The following EEPD1 variants were observed in gnomAD, a reference collection of about 807,000 sequenced individuals.
EEPD1 encodes the protein endonuclease/exonuclease/phosphatase family domain containing 1, also known as endonuclease/exonuclease/phosphatase family domain-containing protein 1.
A neutral mutation model predicts 46.3 loss-of-function variants in EEPD1; 17 were observed. The observed-to-expected ratio is 0.37, with a 90% CI of 0.25 to 0.55. The LOEUF (loss-of-function observed/expected upper bound fraction) is 0.55, where lower values mean the gene tolerates loss of function less well. EEPD1 is among the 20% of genes least tolerant of loss of function. The probability of loss-of-function intolerance (pLI) is 0.83; values close to 1 mark genes in which losing one functional copy is unlikely to be tolerated. For synonymous variants in EEPD1, 313 were observed against 315.6 expected (o/e 0.99, Z 0.09); for missense variants, 673 against 745.6 (o/e 0.90, Z 1.13).
chr7:36,245,536 A>C (rs1387332362), intron 3 of EEPD1, among the ~76,000 whole-genome samples: 1 of 152,130 alleles, frequency 6.6e-6, no homozygotes, highest in Non-Finnish European at 1.5e-5. Context: ...ATTGGGTAGG[A>C]GGTGGGGGCC....
chr7:36,191,253 A>C (rs898792922), intron 2 of EEPD1, among the ~76,000 whole-genome samples: 2 of 152,204 alleles, frequency 1.3e-5, no homozygotes, highest in Admixed American at 1.3e-4. Context: ...AAGAGGGAGT[A>C]AATAGGACAA....
chr7:36,167,642 G>A (rs1785008628), intron 2 of EEPD1, among the ~76,000 whole-genome samples: 1 of 152,070 alleles, frequency 6.6e-6, no homozygotes, highest in African/African-American at 2.4e-5. Context: ...TGATGCATAA[G>A]TTTGCCAAAC....
intron 2 of EEPD1, among the ~76,000 whole-genome samples, chr7:36,198,385 T>A (rs1426007626): frequency 1.8e-3 from 81 of 44,604 alleles, no homozygotes; most frequent in East Asian, 2.3e-3. Flanking sequence ...AAAAACTAAA[T>A]CAAAACTGGT....
chr7:36,275,755 C>T (rs920667946), intron 3 of EEPD1, among the ~76,000 whole-genome samples: 3 of 152,146 alleles, frequency 2.0e-5, no homozygotes, highest in African/African-American at 4.8e-5. Flanking sequence ...CCACTGCGCC[C>T]GAACCACCTT....
intron 2 of EEPD1, among the ~76,000 whole-genome samples, chr7:36,192,013 CTCTT>C (rs1785469500): frequency 6.6e-6 from 1 of 152,186 alleles, no homozygotes; most frequent in African/African-American, 2.4e-5. Flanking sequence ...CTTTACGAGA[CTCTT>C]TCCGCGTTGT....
At position 36,300,195 on chromosome 7, in the gene EEPD1, G is replaced by C. The variant is rs1253587069; in HGVS notation, c.*989G>C. The C allele has an allele frequency of 6.6e-6, 1 of 152,310 alleles. No individual in the cohort carries two copies. The highest frequency in any genetic ancestry group is 1.9e-4 in the East Asian group (1 of 5,190). 9.4% of individuals were successfully genotyped at this position (152,310 alleles called of 1,614,324 possible). On this transcript the variant is annotated 3_prime_UTR_variant, in exon 8 of 8. Coordinates refer to ENST00000242108, the MANE Select transcript of EEPD1 (RefSeq NM_030636.3). ...AGTTGACCTCGGGGTATCATGGAGAGTGTCCCTCCTAGTGGCTGGAGGTAG... is the reference window on the plus strand; with the variant it reads ...AGTTGACCTCGGGGTATCATGGAGACTGTCCCTCCTAGTGGCTGGAGGTAG...
chr7:36,288,949 G>T (rs182272424), intron 6 of EEPD1, among the ~76,000 whole-genome samples: 200 of 152,236 alleles, frequency 1.3e-3, no homozygotes, highest in African/African-American at 4.8e-3. Context: ...GTAGTTGGAG[G>T]CTTGGAATTC....
intron 2 of EEPD1, among the ~76,000 whole-genome samples, chr7:36,155,428 TATCTG>T (rs1784810859): frequency 6.6e-6 from 1 of 152,222 alleles, no homozygotes; most frequent in African/African-American, 2.4e-5. Flanking sequence ...GAGTGTGAGA[TATCTG>T]AGACTGATTC....
intron 2 of EEPD1, among the ~76,000 whole-genome samples, chr7:36,226,041 G>A (rs963804566): frequency 2.6e-5 from 4 of 152,170 alleles, no homozygotes; most frequent in African/African-American, 7.2e-5. Context: ...ATTGTTATAA[G>A]TCTGATTAGC....
At chr7:36,219,798 A>AGT (rs1443373734) in intron 2 of EEPD1, among the ~76,000 whole-genome samples, 1,299 of 76,710 alleles carry the variant, frequency 0.017, 7 homozygotes, top group Middle Eastern at 0.039. Flanking sequence ...AGAGAGAGAG[A>AGT]GAGAGAGAGT....
chr7:36,289,916 A>T (rs918233812), intron 6 of EEPD1, among the ~76,000 whole-genome samples: 1 of 152,200 alleles, frequency 6.6e-6, no homozygotes, highest in African/African-American at 2.4e-5. Flanking sequence ...TCCTGTTGTG[A>T]CAACGCTGCT....
At chr7:36,175,378 G>T (rs557306981) in intron 2 of EEPD1, among the ~76,000 whole-genome samples, 1 of 152,028 alleles carries the variant, frequency 6.6e-6, no homozygotes, top group East Asian at 1.9e-4. Context: ...CCACAGGTGC[G>T]TGCCACCACG....
At chr7:36,189,635 A>G (rs1165679998) in intron 2 of EEPD1, among the ~76,000 whole-genome samples, 1 of 152,138 alleles carries the variant, frequency 6.6e-6, no homozygotes, top group East Asian at 1.9e-4. Context: ...TGGGGATAGA[A>G]GAAAGTACAT....
At chr7:36,249,052 TG>T (rs1473843546) in intron 3 of EEPD1, among the ~76,000 whole-genome samples, 1 of 141,398 alleles carries the variant, frequency 7.1e-6, no homozygotes, top group African/African-American at 2.6e-5. Context: ...CCTTATTCTT[TG>T]AAAATCATCA....
chr7:36,192,903 T>C (rs2115681929), intron 2 of EEPD1, among the ~76,000 whole-genome samples: 1 of 152,120 alleles, frequency 6.6e-6, no homozygotes, highest in East Asian at 1.9e-4. Flanking sequence ...TGAGGATGAG[T>C]GGTGGCCAGA....
intron 3 of EEPD1, among the ~76,000 whole-genome samples, chr7:36,255,607 TATTTGCGTACA>T (rs1345518198): frequency 1.3e-5 from 2 of 152,222 alleles, no homozygotes; most frequent in African/African-American, 4.8e-5. Context: ...TTTTCTGGTT[TATTTGCGTACA>T]AGTGTTTATA....
intron 2 of EEPD1, among the ~76,000 whole-genome samples, chr7:36,221,197 T>C (rs1366240254): frequency 1.3e-5 from 2 of 152,246 alleles, no homozygotes; most frequent in African/African-American, 4.8e-5. Flanking sequence ...TAACCTAATA[T>C]GTAATTTCTT....
intron 2 of EEPD1, among the ~76,000 whole-genome samples, chr7:36,175,652 A>G (rs993791479): frequency 3.9e-5 from 6 of 151,904 alleles, no homozygotes; most frequent in African/African-American, 1.5e-4. Flanking sequence ...CTCTGGTTCT[A>G]TTCCCTAGAT....
rs569049094 is a variant in EEPD1, at chr7:36,190,911, G to A, written c.878+35709G>A. ...GGCATGACTTGCAGCCAGCACCCCC[G>A]GAATGCCCGGCCTTCCTCATTTTGG... On this transcript the variant is annotated intron_variant, in intron 2 of 7. Coordinates refer to ENST00000242108, the MANE Select transcript of EEPD1 (RefSeq NM_030636.3). Among the ~76,000 whole-genome samples, 6 of 152,296 alleles carry A rather than the reference G, an allele frequency of 3.9e-5. No homozygotes were observed. The East Asian group carries it at 5.8e-4, about 15-fold the overall frequency.
Sources: allele counts gnomAD v4.1 joint callset (sites outside exome capture counted in the v4.1 genomes callset), GRCh38; gene constraint gnomAD v4.1.1; transcripts MANE v1.5; gene names NCBI Gene and HGNC (gene_info 2026-07-23, HGNC 2026-07-21).